Variants in SGCZ observed in about 807,000 individuals in gnomAD.
SGCZ encodes zeta-sarcoglycan.
A neutral mutation model predicts 41.3 loss-of-function variants in SGCZ; 40 were observed. That is an observed-to-expected ratio of 0.97 (90% confidence interval 0.75 to 1.26). The LOEUF is 1.26. Ranked by LOEUF, SGCZ falls within the 50% of genes most tolerant of loss-of-function variation. SGCZ has a pLI of 0.00. For missense variants in SGCZ, 552 were observed against 369.8 expected (o/e 1.49, Z -4.04); for synonymous variants, 206 against 137.5 (o/e 1.50, Z -3.49).
At chr8:15,114,439 A>T (rs1217754440) in intron 1 of SGCZ, among the ~76,000 whole-genome samples, 1 of 152,254 alleles carries the variant, frequency 6.6e-6, no homozygotes, top group Non-Finnish European at 1.5e-5. Context: ...ATTAAAATGT[A>T]TAAGGCATTC....
chr8:14,353,549 G>A (rs1404910333), intron 2 of SGCZ, among the ~76,000 whole-genome samples: 1 of 152,044 alleles, frequency 6.6e-6, no homozygotes, highest in African/African-American at 2.4e-5. Context: ...TTCTGCGAAT[G>A]GATAGGTACT....
At chr8:14,684,704 T>C (rs1808555424) in intron 1 of SGCZ, among the ~76,000 whole-genome samples, 1 of 151,858 alleles carries the variant, frequency 6.6e-6, no homozygotes. Flanking sequence ...TTTTTTGTTT[T>C]TTTTTGGTTT....
At chr8:14,848,738 C>T (rs1250197453) in intron 1 of SGCZ, among the ~76,000 whole-genome samples, 1 of 152,100 alleles carries the variant, frequency 6.6e-6, no homozygotes, top group Non-Finnish European at 1.5e-5. Flanking sequence ...CAATAAAAAT[C>T]TTTTTAAAAA....
chr8:14,706,424 T>C (rs1449050124), intron 1 of SGCZ, among the ~76,000 whole-genome samples: 2 of 152,150 alleles, frequency 1.3e-5, no homozygotes, highest in African/African-American at 4.8e-5. Flanking sequence ...TTAAGCTCTA[T>C]AGGAATTAAA....
rs936878929 is a variant in SGCZ, at chr8:14,343,989, A to C, written c.235-19785T>G. ...TCAAGTATTCAGAAAAATATATAAG[A>C]GGATACAAAATTTCATGAAGGAACT... On this transcript the variant is annotated intron_variant, in intron 2 of 7. Transcript: ENST00000382080. Among the ~76,000 whole-genome samples, 8 of 152,218 alleles carry C rather than the reference A, an allele frequency of 5.3e-5. No individual in the cohort carries two copies. The East Asian group carries it at 1.5e-3, about 29-fold the overall frequency.
At chr8:14,747,120 G>A (rs113484446) in intron 1 of SGCZ, among the ~76,000 whole-genome samples, 23 of 152,216 alleles carry the variant, frequency 1.5e-4, no homozygotes, top group African/African-American at 5.1e-4. Flanking sequence ...CACTCTTACG[G>A]TTAGGATTAT....
intron 1 of SGCZ, among the ~76,000 whole-genome samples, chr8:14,589,216 C>T (rs1417925041): frequency 1.3e-5 from 2 of 151,822 alleles, no homozygotes; most frequent in Non-Finnish European, 2.9e-5. Context: ...TGTGCTGGTG[C>T]ATGCCTATAA....
At chr8:14,435,515 T>A (rs915029515) in intron 2 of SGCZ, among the ~76,000 whole-genome samples, 1 of 152,148 alleles carries the variant, frequency 6.6e-6, no homozygotes, top group Non-Finnish European at 1.5e-5. Context: ...ATCATATACT[T>A]ATGTTAAAGT....
chr8:15,125,307 T>G (rs111619897), intron 1 of SGCZ, among the ~76,000 whole-genome samples: 8 of 152,210 alleles, frequency 5.3e-5, no homozygotes. Flanking sequence ...TCTACACTCA[T>G]CTACCCTTAT....
At chr8:15,008,821 G>C (rs951039344) in intron 1 of SGCZ, among the ~76,000 whole-genome samples, 7 of 135,108 alleles carry the variant, frequency 5.2e-5, no homozygotes, top group Admixed American at 3.1e-4. Context: ...GGGACGGAGG[G>C]AGGAAGGGAG....
intron 1 of SGCZ, among the ~76,000 whole-genome samples, chr8:14,653,212 C>T (rs1472762830): frequency 6.6e-6 from 1 of 151,932 alleles, no homozygotes; most frequent in African/African-American, 2.4e-5. Flanking sequence ...CTAGTTCCGA[C>T]CAAAGCAATG....
At chr8:14,603,643 AC>A (rs1805660436) in intron 1 of SGCZ, among the ~76,000 whole-genome samples, 2 of 152,156 alleles carry the variant, frequency 1.3e-5, no homozygotes, top group African/African-American at 4.8e-5. Flanking sequence ...AGATAGAAAG[AC>A]CCACAAATGC....
chr8:14,869,635 G>A (rs1208427857), intron 1 of SGCZ, among the ~76,000 whole-genome samples: 1 of 152,188 alleles, frequency 6.6e-6, no homozygotes, highest in Non-Finnish European at 1.5e-5. Context: ...AATAGGAAGA[G>A]AGGAAGTCAA....
At chr8:14,762,162 C>A (rs1040253455) in intron 1 of SGCZ, among the ~76,000 whole-genome samples, 1 of 152,064 alleles carries the variant, frequency 6.6e-6, no homozygotes, top group Non-Finnish European at 1.5e-5. Flanking sequence ...TTTATACATA[C>A]TGAATATTCA....
intron 2 of SGCZ, among the ~76,000 whole-genome samples, chr8:14,432,493 A>G (rs191007289): frequency 1.3e-5 from 2 of 152,338 alleles, no homozygotes; most frequent in Admixed American, 6.5e-5. Flanking sequence ...ATGCAAAGGC[A>G]TAAGTATGAC....
chr8:14,438,985 A>T (rs1480613400), intron 2 of SGCZ, among the ~76,000 whole-genome samples: 1 of 152,016 alleles, frequency 6.6e-6, no homozygotes, highest in East Asian at 1.9e-4. Flanking sequence ...CTTTGAAGAC[A>T]TGAGATGATT....
At chr8:14,389,581 G>C (rs1211654077) in intron 2 of SGCZ, among the ~76,000 whole-genome samples, 1 of 151,786 alleles carries the variant, frequency 6.6e-6, no homozygotes, top group Non-Finnish European at 1.5e-5. Context: ...TCTAATCAGG[G>C]TGAAAAATAA....
intron 1 of SGCZ, among the ~76,000 whole-genome samples, chr8:14,687,881 G>C (rs1055569975): frequency 6.6e-6 from 1 of 152,088 alleles, no homozygotes; most frequent in Non-Finnish European, 1.5e-5. Flanking sequence ...TTTAATGATT[G>C]TCATTCTAAC....
chr8:15,147,793 G>T (rs758404223), intron 1 of SGCZ, among the ~76,000 whole-genome samples: 7 of 152,236 alleles, frequency 4.6e-5, no homozygotes, highest in South Asian at 4.1e-4. Context: ...GCACTTTGTT[G>T]TCAGGGGGAA....
Sources: allele counts gnomAD v4.1 joint callset (sites outside exome capture counted in the v4.1 genomes callset), GRCh38; gene constraint gnomAD v4.1.1; transcripts MANE v1.5; gene names NCBI Gene and HGNC (gene_info 2026-07-23, HGNC 2026-07-21).